The following ZNF831 variants were observed in gnomAD, a reference collection of about 807,000 sequenced individuals.
The protein encoded by ZNF831 is zinc finger protein 831, also known as chromosome 20 open reading frame 174.
In ZNF831, 59 loss-of-function variants were observed where a neutral mutation model predicts 95.8. That is an observed-to-expected ratio of 0.62 (90% CI 0.50 to 0.77). The LOEUF (loss-of-function observed/expected upper bound fraction) is 0.77. Among genes scored for constraint, ZNF831 ranks in the 30% least tolerant of loss-of-function variants. The probability of loss-of-function intolerance (pLI) is 0.00; values close to 1 mark genes in which losing one functional copy is unlikely to be tolerated. For missense variants in ZNF831, 2,205 were observed against 2,164.0 expected (o/e 1.02, Z -0.38); for synonymous variants, 961 against 925.5 (o/e 1.04, Z -0.70).
Position 59,154,435 on chromosome 20 carries a change from C to A in ZNF831, c.-1280-5217C>A, listed in dbSNP as rs532877245. ...CTGCTCGAACCCTGTGAAGCCGAAG[C>A]GGTCTCTACCCCAATCCCCTGCGAT... On this transcript the variant is annotated intron_variant, in intron 2 of 7. Transcript: ENST00000637017. Among the ~76,000 whole-genome samples the A allele has an allele frequency of 5.3e-5, 8 of 152,284 alleles. No homozygotes were observed. In the South Asian group the frequency reaches 1.7e-3, roughly 32 times the overall value.
At position 59,191,256 on chromosome 20, in the gene ZNF831, G is replaced by A. The variant is rs1437531981; in HGVS notation, c.237G>A (p.Thr79=). 20 of 1,550,428 alleles carry A rather than the reference G, an allele frequency of 1.3e-5. No homozygotes were observed. The East Asian group carries it at 2.8e-4, about 21-fold the overall frequency. The part of the protein sequence containing the change: ...GGLQPRAPLV[T]GSLDGGNVPF... ...TCCAGCCCCGCGCCCCGCTAGTGAC[G>A]GGCAGCCTAGATGGGGGCAACGTGC... is the stretch of plus-strand genomic sequence containing the variant. The change falls in exon 2 of 6, where the codon ACG becomes ACA. Residue 79 remains threonine (T), a synonymous_variant. Coordinates refer to ENST00000371030, the MANE Select transcript of ZNF831 (RefSeq NM_178457.3).
intron 1 of ZNF831, among the ~76,000 whole-genome samples, chr20:59,180,483 A>G (rs1982529934): frequency 1.3e-5 from 2 of 152,090 alleles, no homozygotes; most frequent in Admixed American, 1.3e-4. Context: ...TAAGCCCTGC[A>G]TGCGTTAGAT....
chr20:59,223,402 T>C (rs767858754), intron 4 of ZNF831, among the ~76,000 whole-genome samples: 1 of 152,178 alleles, frequency 6.6e-6, no homozygotes, highest in African/African-American at 2.4e-5. Context: ...CTTTCAGAAC[T>C]AGCCATGTTT....
intron 1 of ZNF831, among the ~76,000 whole-genome samples, chr20:59,181,874 G>A (rs1982644375): frequency 6.6e-6 from 1 of 151,868 alleles, no homozygotes; most frequent in Non-Finnish European, 1.5e-5. Context: ...CCATCTTCAT[G>A]ATATTAATTT....
At chr20:59,186,123 C>A (rs558523994) in intron 1 of ZNF831, among the ~76,000 whole-genome samples, 26 of 152,328 alleles carry the variant, frequency 1.7e-4, no homozygotes, top group African/African-American at 6.0e-4. Context: ...TACATGATCT[C>A]CTGGTGTCCC....
At chr20:59,218,066 G>T (rs1042031438) in intron 4 of ZNF831, among the ~76,000 whole-genome samples, 1 of 152,232 alleles carries the variant, frequency 6.6e-6, no homozygotes, top group African/African-American at 2.4e-5. Context: ...GCTCAGAGAA[G>T]CCCTGGCCTC....
intron 1 of ZNF831, among the ~76,000 whole-genome samples, chr20:59,140,796 A>G (rs973302638): frequency 6.6e-6 from 1 of 152,010 alleles, no homozygotes; most frequent in Non-Finnish European, 1.5e-5. Flanking sequence ...TTACTTTTTC[A>G]TTTACCATTG....
chr20:59,202,506 G>A (rs2146625901), intron 3 of ZNF831, among the ~76,000 whole-genome samples: 1 of 152,160 alleles, frequency 6.6e-6, no homozygotes, highest in East Asian at 1.9e-4. Flanking sequence ...TTGAGATGTG[G>A]GTTGAAGGTG....
intron 3 of ZNF831, among the ~76,000 whole-genome samples, chr20:59,199,137 C>T (rs1045117705): frequency 1.5e-5 from 2 of 133,666 alleles, no homozygotes; most frequent in African/African-American, 5.9e-5. Flanking sequence ...CTATCTATCA[C>T]GTAACCCTTG....
chr20:59,214,651 T>C (rs1036423825), intron 4 of ZNF831, among the ~76,000 whole-genome samples: 24 of 152,244 alleles, frequency 1.6e-4, no homozygotes, highest in African/African-American at 5.5e-4. Flanking sequence ...GCACATGTGC[T>C]CACATGCTCT....
intron 2 of ZNF831, chr20:59,146,764 T>A (rs926758791): frequency 6.6e-6 from 1 of 152,242 alleles, no homozygotes; most frequent in Non-Finnish European, 1.5e-5. Context: ...CAAGGGGCTT[T>A]GGGAAGCCTG....
At chr20:59,131,810 A>G (rs966811480) in intron 1 of ZNF831, among the ~76,000 whole-genome samples, 2 of 152,226 alleles carry the variant, frequency 1.3e-5, no homozygotes, top group Admixed American at 1.3e-4. Context: ...AGACAGATTT[A>G]TCTCTATCCA....
chr20:59,128,862 A>G (rs1979260548), intron 1 of ZNF831, among the ~76,000 whole-genome samples: 1 of 152,174 alleles, frequency 6.6e-6, no homozygotes, highest in East Asian at 1.9e-4. Context: ...CCCGGGTTCA[A>G]GCTATTCTCC....
chr20:59,161,724 C>T (rs1487264051), upstream of ZNF831, among the ~76,000 whole-genome samples: 4 of 152,172 alleles, frequency 2.6e-5, no homozygotes, highest in Admixed American at 6.5e-5. Flanking sequence ...GATAAACATA[C>T]GAGTGCAGGT....
intron 2 of ZNF831, among the ~76,000 whole-genome samples, chr20:59,158,541 G>A (rs1980666392): frequency 6.6e-6 from 1 of 152,172 alleles, no homozygotes; most frequent in African/African-American, 2.4e-5. Flanking sequence ...TGGATTGTCT[G>A]TTTTCTCTTT....
chr20:59,252,521 C>T (rs1188529245), intron 4 of ZNF831, among the ~76,000 whole-genome samples: 1 of 152,182 alleles, frequency 6.6e-6, no homozygotes, highest in Non-Finnish European at 1.5e-5. Context: ...CAAAAGCCAA[C>T]CTCATCCCTT....
chr20:59,246,557 T>A (rs1443916044), intron 4 of ZNF831, among the ~76,000 whole-genome samples: 1 of 152,206 alleles, frequency 6.6e-6, no homozygotes, highest in Non-Finnish European at 1.5e-5. Flanking sequence ...AATTTCATAA[T>A]CCTATTTTCA....
At chr20:59,199,429 A>G (rs1243678112) in intron 3 of ZNF831, among the ~76,000 whole-genome samples, 1 of 152,146 alleles carries the variant, frequency 6.6e-6, no homozygotes, top group Non-Finnish European at 1.5e-5. Flanking sequence ...CCAATAATAT[A>G]TAATATTGTT....
chr20:59,140,066 C>T (rs1320325527), intron 1 of ZNF831, among the ~76,000 whole-genome samples: 1 of 152,174 alleles, frequency 6.6e-6, no homozygotes, highest in African/African-American at 2.4e-5. Context: ...GATAAGAATG[C>T]ATTGTGTCAT....
Sources: gnomAD v4.1 joint callset for allele counts (sites outside exome capture counted in the v4.1 genomes callset) on GRCh38, gnomAD v4.1.1 for gene constraint, MANE v1.5 for transcripts, NCBI Gene and HGNC (gene_info 2026-07-23, HGNC 2026-07-21) for gene names.